Variants in AKAP6 observed in about 807,000 individuals in gnomAD.
The protein encoded by AKAP6 is A-kinase anchoring protein 6.
In AKAP6, 58 loss-of-function variants were observed where a neutral mutation model predicts 188.5. The observed-to-expected ratio is 0.31, with a 90% CI of 0.25 to 0.38. The LOEUF is 0.38. Ranked by LOEUF, AKAP6 falls within the 10% of genes least tolerant of loss-of-function variation. AKAP6 has a pLI of 1.00. For synonymous variants in AKAP6, 989 were observed against 998.6 expected (o/e 0.99, Z 0.18); for missense variants, 2,710 against 2,740.0 (o/e 0.99, Z 0.24).
intron 12 of AKAP6, among the ~76,000 whole-genome samples, chr14:32,806,858 A>T (rs2034101202): frequency 6.6e-6 from 1 of 152,190 alleles, no homozygotes; most frequent in Non-Finnish European, 1.5e-5. Context: ...GGGTAAGGGT[A>T]GTATAAACCA....
intron 12 of AKAP6, among the ~76,000 whole-genome samples, chr14:32,805,415 C>T (rs529297010): frequency 1.1e-4 from 16 of 152,224 alleles, no homozygotes; most frequent in African/African-American, 2.2e-4. Flanking sequence ...TGTCATCCTG[C>T]GTGTAGGAGG....
chr14:32,740,025 C>T (rs1010916033), intron 11 of AKAP6, among the ~76,000 whole-genome samples: 11 of 152,198 alleles, frequency 7.2e-5, no homozygotes, highest in East Asian at 3.9e-4. Context: ...TCCACATCCT[C>T]GCCAGCATTT....
intron 7 of AKAP6, among the ~76,000 whole-genome samples, chr14:32,623,290 C>A (rs1886887542): frequency 6.6e-6 from 1 of 151,936 alleles, no homozygotes; most frequent in Non-Finnish European, 1.5e-5. Flanking sequence ...ATGCTAAGAC[C>A]TAATTAACAT....
At chr14:32,763,710 T>A (rs886556643) in intron 11 of AKAP6, among the ~76,000 whole-genome samples, 3 of 152,178 alleles carry the variant, frequency 2.0e-5, no homozygotes, top group African/African-American at 7.2e-5. Flanking sequence ...TTTCAATTGC[T>A]ATTTTTTGCA....
chr14:32,345,838 C>T (rs910192577), intron 1 of AKAP6, among the ~76,000 whole-genome samples: 13 of 152,140 alleles, frequency 8.5e-5, no homozygotes, highest in African/African-American at 3.1e-4. Flanking sequence ...CAATAGCCCT[C>T]AGGAGAGTAT....
At position 32,582,489 on chromosome 14, in the gene AKAP6, C is replaced by T. The variant is rs544862212; in HGVS notation, c.2469+5247C>T. On this transcript the variant is annotated intron_variant, in intron 5 of 13. Coordinates refer to ENST00000280979, the MANE Select transcript of AKAP6 (RefSeq NM_004274.5). ...TTATGTGTCTTGGAGTTGCTCTTCT[C>T]GAGGAGTATGTTTGTGGCGTTCTCT... is the stretch of plus-strand genomic sequence containing the variant. Among the ~76,000 whole-genome samples the T allele has an allele frequency of 2.0e-3, 300 of 151,454 alleles. 1 individual carries two copies. Among genetic ancestry groups the T allele is most frequent in the Non-Finnish European group, 2.6e-3 (178 of 67,496 alleles).
At chr14:32,759,658 G>A (rs1028534079) in intron 11 of AKAP6, among the ~76,000 whole-genome samples, 2 of 152,168 alleles carry the variant, frequency 1.3e-5, no homozygotes, top group African/African-American at 2.4e-5. Flanking sequence ...AGCTTCTAGG[G>A]AGGACTCAGG....
At chr14:32,652,837 G>A (rs774933926) in intron 7 of AKAP6, among the ~76,000 whole-genome samples, 1 of 152,124 alleles carries the variant, frequency 6.6e-6, no homozygotes, top group Non-Finnish European at 1.5e-5. Flanking sequence ...AGGAATACTT[G>A]AACCCAGGAG....
intron 2 of AKAP6, among the ~76,000 whole-genome samples, chr14:32,504,821 T>C (rs907613620): frequency 6.6e-6 from 1 of 152,230 alleles, no homozygotes; most frequent in Admixed American, 6.5e-5. Flanking sequence ...GTCGTGCTCA[T>C]GTTACATACC....
chr14:32,673,134 T>G (rs919397319), intron 7 of AKAP6, among the ~76,000 whole-genome samples: 1 of 152,206 alleles, frequency 6.6e-6, no homozygotes, highest in African/African-American at 2.4e-5. Context: ...TCTATGAAGA[T>G]ATCTATCTGT....
intron 7 of AKAP6, among the ~76,000 whole-genome samples, chr14:32,653,499 C>A (rs1377822875): frequency 6.6e-6 from 1 of 152,160 alleles, no homozygotes; most frequent in Non-Finnish European, 1.5e-5. Flanking sequence ...ATGTGACACA[C>A]CTGCTCCGTC....
intron 9 of AKAP6, among the ~76,000 whole-genome samples, chr14:32,719,656 A>G (rs1051563878): frequency 6.6e-6 from 1 of 152,338 alleles, no homozygotes; most frequent in East Asian, 1.9e-4. Flanking sequence ...TTAAAACTCT[A>G]TGTGATTTGG....
chr14:32,766,562 A>G (rs1356140700), intron 11 of AKAP6, among the ~76,000 whole-genome samples: 1 of 152,112 alleles, frequency 6.6e-6, no homozygotes, highest in Non-Finnish European at 1.5e-5. Context: ...GTAATATCTA[A>G]TCATGGCTTA....
intron 2 of AKAP6, among the ~76,000 whole-genome samples, chr14:32,520,921 C>A (rs978970522): frequency 2.6e-5 from 4 of 152,186 alleles, no homozygotes; most frequent in African/African-American, 9.7e-5. Flanking sequence ...CCCTGATGAA[C>A]ATCAATGCAA....
intron 4 of AKAP6, among the ~76,000 whole-genome samples, chr14:32,565,749 A>G (rs1394703519): frequency 1.3e-5 from 2 of 152,210 alleles, no homozygotes; most frequent in Non-Finnish European, 2.9e-5. Flanking sequence ...AGACTCTGCA[A>G]CCTCATTTCT....
chr14:32,733,723 A>G (rs980881574), intron 10 of AKAP6: 2 of 152,150 alleles, frequency 1.3e-5, no homozygotes, highest in African/African-American at 4.8e-5. Context: ...GTTGCCTTTT[A>G]ATAATAATTA....
intron 2 of AKAP6, among the ~76,000 whole-genome samples, chr14:32,504,476 C>T (rs1311121532): frequency 2.0e-5 from 3 of 152,010 alleles, no homozygotes; most frequent in South Asian, 2.1e-4. Context: ...AGACAGGTTT[C>T]GCCATATTGG....
At chr14:32,597,902 T>C (rs1423200625) in intron 5 of AKAP6, among the ~76,000 whole-genome samples, 1 of 152,218 alleles carries the variant, frequency 6.6e-6, no homozygotes, top group Non-Finnish European at 1.5e-5. Context: ...TTCTGAACTT[T>C]AAAAAGATCC....
intron 8 of AKAP6, among the ~76,000 whole-genome samples, chr14:32,687,812 G>T (rs778250294): frequency 1.8e-4 from 28 of 152,020 alleles, no homozygotes; most frequent in Admixed American, 8.5e-4. Flanking sequence ...ATTAAAATGT[G>T]CCTGGCTGCT....
Sources: gnomAD v4.1 joint callset for allele counts (sites outside exome capture counted in the v4.1 genomes callset) on GRCh38, gnomAD v4.1.1 for gene constraint, MANE v1.5 for transcripts, NCBI Gene and HGNC (gene_info 2026-07-23, HGNC 2026-07-21) for gene names.